Variants in OSBP observed in about 807,000 individuals in gnomAD.
The protein encoded by OSBP is oxysterol binding protein.
In OSBP, 32 loss-of-function variants were observed where a neutral mutation model predicts 96.6. That is an observed-to-expected ratio of 0.33 (90% CI 0.25 to 0.45). The LOEUF is 0.45. Ranked by LOEUF, OSBP falls within the 20% of genes least tolerant of loss-of-function variation. The pLI is 1.00. For missense variants in OSBP, 653 were observed against 1,029.7 expected (o/e 0.63, Z 5.01); for synonymous variants, 369 against 389.6 (o/e 0.95, Z 0.62).
At chr11:59,608,350 C>T in intron 3 of OSBP, 134 bp downstream of exon 3, 1 of 1,049,664 alleles carries the variant, frequency 9.5e-7, no homozygotes, top group Non-Finnish European at 1.4e-6. Context: ...AACAATGTAA[C>T]TTAAAGCCCT....
chr11:59,590,323 T>G (rs1860562101), intron 9 of OSBP, among the ~76,000 whole-genome samples: 1 of 152,222 alleles, frequency 6.6e-6, no homozygotes, highest in Non-Finnish European at 1.5e-5. Context: ...GTGTCCTTTT[T>G]GCACTGTAAT....
intron 9 of OSBP, among the ~76,000 whole-genome samples, chr11:59,588,731 C>T (rs537416492): frequency 1.5e-4 from 22 of 150,780 alleles, no homozygotes; most frequent in South Asian, 1.3e-3. Flanking sequence ...GGAGGCTGGG[C>T]GCAGTGGCTC....
At chr11:59,614,907 C>T (rs1860902386) in intron 1 of OSBP, among the ~76,000 whole-genome samples, 2 of 152,190 alleles carry the variant, frequency 1.3e-5, no homozygotes, top group Non-Finnish European at 2.9e-5. Context: ...CTGTAAGTTC[C>T]TTGGGAGGAG....
intron 3 of OSBP, among the ~76,000 whole-genome samples, chr11:59,604,458 T>C (rs1228583872): frequency 1.3e-5 from 2 of 152,094 alleles, no homozygotes; most frequent in Admixed American, 1.3e-4. Flanking sequence ...TCCCAGCACT[T>C]TGGGAGGCCG....
At position 59,600,571 on chromosome 11, in the gene OSBP, C is replaced by T. The variant is rs148964786; in HGVS notation, c.1236G>A (p.Lys412=). Reference sequence around the variant, plus strand: ...TCCATAAATTGAGGCTATAGTTTGGCTTGTATGGTATTCTGGTTCTCTTTT... The same window carrying T: ...TCCATAAATTGAGGCTATAGTTTGGTTTGTATGGTATTCTGGTTCTCTTTT... ...KKEKRTRIPY[K]PNYSLNLWSI... Residue 412 remains lysine (K), a synonymous_variant, in exon 7 of 14, where the codon AAG becomes AAA. Coordinates refer to ENST00000263847, the MANE Select transcript of OSBP (RefSeq NM_002556.3). 7 of 1,613,900 alleles carry T rather than the reference C, an allele frequency of 4.3e-6. No homozygotes were observed. Among genetic ancestry groups the T allele is most frequent in the Non-Finnish European group, 5.9e-6 (7 of 1,179,966 alleles).
Position 59,601,669 on chromosome 11 carries a change from T to C in OSBP, c.992A>G (p.Asn331Ser). 6.2e-7 allele frequency: 1 copy of C among 1,613,024 alleles called. No homozygotes were observed. The highest frequency in any genetic ancestry group is 1.3e-5 in the African/African-American group (1 of 75,014). The change falls in exon 4 of 14, where the codon AAC (asparagine) becomes AGC (serine). Residue 331 changes from asparagine to serine, a missense_variant. By Grantham distance (46) the Asn-to-Ser change is conservative. This residue lies in a region of OSBP where 308 missense variants were observed against 573.1 expected (regional missense o/e 0.54). Coordinates refer to ENST00000263847, the MANE Select transcript of OSBP (RefSeq NM_002556.3). Reference sequence around the variant, plus strand: ...ACCAGAACCCACATTGCCAGGAGTGTTTGCCGGCAGCACCGTGGCTCCTCG... The same window carrying C: ...ACCAGAACCCACATTGCCAGGAGTGCTTGCCGGCAGCACCGTGGCTCCTCG... ...AFRGATVLPA[N>S]TPGNVGSGKD...
At chr11:59,582,765 T>C (rs978489003) in intron 9 of OSBP, among the ~76,000 whole-genome samples, 8 of 152,194 alleles carry the variant, frequency 5.3e-5, no homozygotes, top group Non-Finnish European at 1.0e-4. Context: ...GGGTGGGTAG[T>C]GTCAGAATTG....
intron 3 of OSBP, among the ~76,000 whole-genome samples, chr11:59,602,164 T>C (rs896942771): frequency 6.6e-6 from 1 of 152,126 alleles, no homozygotes; most frequent in Non-Finnish European, 1.5e-5. Context: ...GCACCAAAAG[T>C]AGAGAACTGC....
At chr11:59,609,878 T>G (rs1202397450) in intron 2 of OSBP, among the ~76,000 whole-genome samples, 1 of 151,978 alleles carries the variant, frequency 6.6e-6, no homozygotes, top group Admixed American at 6.6e-5. Flanking sequence ...TAACAAAGAG[T>G]TAAGTAAGAA....
intron 9 of OSBP, among the ~76,000 whole-genome samples, chr11:59,590,916 C>T (rs746166642): frequency 3.3e-5 from 5 of 152,192 alleles, no homozygotes; most frequent in Non-Finnish European, 7.3e-5. Context: ...TATTCAGCTT[C>T]CTATCACAAA....
chr11:59,609,423 G>A lies in OSBP; in HGVS notation c.572-689C>T, dbSNP rs187659079. Among the ~76,000 whole-genome samples the A allele has an allele frequency of 1.4e-3, 212 of 151,536 alleles. 1 individual carries two copies. The highest frequency in any genetic ancestry group is 5.4e-4 in the Non-Finnish European group (37 of 67,954). ...CTCTCACACTCAACACTTTGTAACTGCAAAGTGCTTTTCTAGCAGTGTCAC... is the reference window on the plus strand; with the variant it reads ...CTCTCACACTCAACACTTTGTAACTACAAAGTGCTTTTCTAGCAGTGTCAC... On this transcript the variant is annotated intron_variant, in intron 2 of 13. Coordinates refer to ENST00000263847, the MANE Select transcript of OSBP (RefSeq NM_002556.3).
intron 3 of OSBP, 64 bp downstream of exon 3, chr11:59,608,420 G>C: frequency 6.3e-7 from 1 of 1,598,764 alleles, no homozygotes; most frequent in East Asian, 2.2e-5. Flanking sequence ...TTAGGCATTT[G>C]GGGAGAATTA....
rs1285353746 is a variant in OSBP, at chr11:59,576,107, A to G, written c.*470T>C. 6.3e-6 allele frequency: 1 copy of G among 159,550 alleles called. No homozygotes were observed. The highest frequency in any genetic ancestry group is 1.4e-5 in the Non-Finnish European group (1 of 72,688). The allele number at this position is 159,550 out of a possible 1,614,324, so 9.9% of individuals were successfully genotyped here. A position where few individuals can be genotyped will look rare whatever the true frequency, so the allele number is the denominator to read the frequency against. ...CCTAAGCTCCACTGCAACCATTCAC[A>G]ATGCCTCCATTGGTAAGTCTTATGT... On this transcript the variant is annotated 3_prime_UTR_variant, in exon 14 of 14. Coordinates refer to ENST00000263847, the MANE Select transcript of OSBP (RefSeq NM_002556.3).
chr11:59,585,661 G>C (rs1203148717), intron 9 of OSBP, among the ~76,000 whole-genome samples: 1 of 152,260 alleles, frequency 6.6e-6, no homozygotes, highest in Non-Finnish European at 1.5e-5. Flanking sequence ...CCCCGTCTGG[G>C]AGGTGTACCC....
chr11:59,605,396 C>T (rs947213682), intron 3 of OSBP, among the ~76,000 whole-genome samples: 3 of 151,914 alleles, frequency 2.0e-5, no homozygotes, highest in Non-Finnish European at 4.4e-5. Context: ...TCCCTCATTC[C>T]CTTTTATTTC....
chr11:59,615,268 G>C (rs1008669756), intron 1 of OSBP, 35 bp downstream of exon 1: 2 of 1,538,212 alleles, frequency 1.3e-6, no homozygotes, highest in Non-Finnish European at 1.8e-6. Context: ...ATATGGGGGA[G>C]GCAAGGTGAG....
At chr11:59,595,470 A>C (rs1860637736) in intron 7 of OSBP, among the ~76,000 whole-genome samples, 1 of 152,098 alleles carries the variant, frequency 6.6e-6, no homozygotes, top group Non-Finnish European at 1.5e-5. Flanking sequence ...TCTGAGCTAC[A>C]TATTACCCTA....
At chr11:59,580,408 G>C in intron 10 of OSBP, 139 bp from the exon 11 acceptor site, 1 of 635,654 alleles carries the variant, frequency 1.6e-6, no homozygotes, top group South Asian at 1.9e-5. Flanking sequence ...CTAGCCTTGG[G>C]AATGCTATAG....
In OSBP at chr11:59,581,514, G is replaced by A; in HGVS notation, c.1719C>T (p.Tyr573=). ...CAGTTGTGGTAACTTTCTTCCAAGT[G>A]TAGTGGTGCCCAGTTGCATGGAAAA... ...HCIFHATGHH[Y]TWKKVTTTVH... is the part of the protein sequence containing the mutation. The change falls in exon 10 of 14, where the codon TAC becomes TAT. Residue 573 remains tyrosine (Y), a synonymous_variant. Coordinates refer to ENST00000263847, the MANE Select transcript of OSBP (RefSeq NM_002556.3). 5 of 1,612,894 alleles carry A rather than the reference G, an allele frequency of 3.1e-6. No individual in the cohort carries two copies. Among genetic ancestry groups the A allele is most frequent in the South Asian group, 1.1e-5 (1 of 91,052 alleles).
Sources: gnomAD v4.1 joint callset for allele counts (sites outside exome capture counted in the v4.1 genomes callset) on GRCh38, gnomAD v4.1.1 for gene constraint, gnomAD v4.1.1 regional missense constraint, MANE v1.5 for transcripts, NCBI Gene and HGNC (gene_info 2026-07-23, HGNC 2026-07-21) for gene names.